FAT1: variants seen among roughly 807,000 people sequenced by gnomAD.
The protein encoded by FAT1 is FAT atypical cadherin 1.
A neutral mutation model predicts 329.8 loss-of-function variants in FAT1; 171 were observed. That is an observed-to-expected ratio of 0.52 (90% CI 0.46 to 0.59). The LOEUF (loss-of-function observed/expected upper bound fraction) is 0.59. FAT1 is among the 20% of genes least tolerant of loss of function. FAT1 has a pLI of 0.00. For missense variants in FAT1, 5,672 were observed against 5,774.4 expected (o/e 0.98, Z 0.57); for synonymous variants, 2,233 against 2,228.6 (o/e 1.00, Z -0.06).
intron 2 of FAT1, among the ~76,000 whole-genome samples, chr4:186,680,776 A>G (rs1429437954): frequency 6.6e-6 from 1 of 152,246 alleles, no homozygotes; most frequent in Non-Finnish European, 1.5e-5. Context: ...AATCAAAGCC[A>G]TAACTGGAAC....
At position 186,609,248 on chromosome 4, in the gene FAT1, T is replaced by C. The variant is rs73873657; in HGVS notation, c.10141A>G (p.Ser3381Gly). 1.9e-3 allele frequency: 3,144 copies of C among 1,614,046 alleles called. 58 individuals are homozygous for C. The African/African-American group carries it at 0.036, about 18-fold the overall frequency. The change falls in exon 16 of 27, where the codon AGC (serine) becomes GGC (glycine). Residue 3381 changes from serine (S) to glycine (G), a missense_variant. Ser to Gly is a moderately conservative substitution (Grantham distance 56). Coordinates refer to ENST00000441802, the MANE Select transcript of FAT1 (RefSeq NM_005245.4). The stretch of plus-strand genomic sequence containing the variant: ...CTGACGGGGTCAATTGTGAACGAGC[T>C]TCCTTGGTTGCCATCTATAATTGAG... ...HYSIIDGNQG[S>G]SFTIDPVRGE...
chr4:186,670,444 C>G (rs1579423116), intron 2 of FAT1, among the ~76,000 whole-genome samples: 1 of 152,294 alleles, frequency 6.6e-6, no homozygotes, highest in Middle Eastern at 3.4e-3. Flanking sequence ...CAGGGTAACT[C>G]TTTTGAAAAT....
At chr4:186,647,497 T>C (rs906111451) in intron 3 of FAT1, among the ~76,000 whole-genome samples, 5 of 152,220 alleles carry the variant, frequency 3.3e-5, no homozygotes, top group African/African-American at 1.2e-4. Flanking sequence ...ATATTTAATA[T>C]GTATAATGAT....
chr4:186,647,712 G>A (rs1741445761), intron 3 of FAT1, among the ~76,000 whole-genome samples: 1 of 152,138 alleles, frequency 6.6e-6, no homozygotes, highest in African/African-American at 2.4e-5. Context: ...TGATGTCTCT[G>A]AAACACTTTC....
intron 3 of FAT1, among the ~76,000 whole-genome samples, chr4:186,661,098 C>A (rs1449731906): frequency 6.6e-6 from 1 of 152,186 alleles, no homozygotes; most frequent in Non-Finnish European, 1.5e-5. Flanking sequence ...GAATTGCCAC[C>A]TGAGATATGA....
intron 4 of FAT1, among the ~76,000 whole-genome samples, chr4:186,637,161 G>A (rs1312828527): frequency 6.6e-6 from 1 of 152,224 alleles, no homozygotes; most frequent in East Asian, 1.9e-4. Context: ...ACCCCTGCGC[G>A]CCTTCCTGAC....
intron 3 of FAT1, among the ~76,000 whole-genome samples, chr4:186,642,685 C>T (rs780207584): frequency 5.9e-5 from 9 of 152,142 alleles, no homozygotes; most frequent in East Asian, 1.9e-4. Flanking sequence ...TAGGGGCTGG[C>T]GGCACCCTGC....
rs1308233390 is a variant in FAT1 at position 186,662,993 on chromosome 4, C to T, written c.3580+306G>A. Among the ~76,000 whole-genome samples, 8 of 152,056 alleles carry T rather than the reference C, an allele frequency of 5.3e-5. No individual in the cohort carries two copies. The East Asian group carries it at 5.8e-4, about 11-fold the overall frequency. ...CTGGGACTACAGGCGCCCGCCACCACGCCCAGCTAATTTTTTGTACTTTTA... is the reference window on the plus strand; with the variant it reads ...CTGGGACTACAGGCGCCCGCCACCATGCCCAGCTAATTTTTTGTACTTTTA... On this transcript the variant is annotated intron_variant, in intron 3 of 26. Transcript: ENST00000441802.
At chr4:186,590,253 T>C in intron 26 of FAT1, 1 of 497,958 alleles carries the variant, frequency 2.0e-6, no homozygotes, top group Non-Finnish European at 3.7e-6. Flanking sequence ...TGCAGCCGTG[T>C]ACTTAGTTAC....
At position 186,663,343 on chromosome 4, in the gene FAT1, G is replaced by T; in HGVS notation, c.3536C>A (p.Thr1179Lys). ...SSNDKLMYKI[T>K]SGNPQGFFSI... ...AAAGAATCCTTGTGGATTTCCACTTGTAATTTTGTACATGAGCTTGTCATT... is the reference window on the plus strand; with the variant it reads ...AAAGAATCCTTGTGGATTTCCACTTTTAATTTTGTACATGAGCTTGTCATT... Residue 1179 changes from threonine to lysine, a missense_variant, in exon 3 of 27, where the codon ACA becomes AAA. By Grantham distance (78) the Thr-to-Lys change is moderately conservative. Around this residue, in one of 2 missense-constraint regions of FAT1, gnomAD observed 3,966 missense variants for 3,915.2 expected, o/e 1.01. Coordinates refer to ENST00000441802, the MANE Select transcript of FAT1 (RefSeq NM_005245.4). 6.2e-7 allele frequency: 1 copy of T among 1,613,946 alleles called. No homozygotes were observed. The highest frequency in any genetic ancestry group is 8.5e-7 in the Non-Finnish European group (1 of 1,179,864).
At chr4:186,654,921 A>G (rs142066655) in intron 3 of FAT1, among the ~76,000 whole-genome samples, 1 of 151,898 alleles carries the variant, frequency 6.6e-6, no homozygotes, top group African/African-American at 2.4e-5. Context: ...AAAACAAAAA[A>G]AAAAACAAAA....
chr4:186,623,136 G>A (rs1474721364), intron 9 of FAT1, among the ~76,000 whole-genome samples: 1 of 152,134 alleles, frequency 6.6e-6, no homozygotes, highest in African/African-American at 2.4e-5. Context: ...CTCTGCATCC[G>A]AGCCCCAAGG....
At chr4:186,717,298 T>C (rs1439200362) in intron 1 of FAT1, among the ~76,000 whole-genome samples, 3 of 152,204 alleles carry the variant, frequency 2.0e-5, no homozygotes, top group African/African-American at 7.2e-5. Flanking sequence ...CCCATCTTCA[T>C]ATGATTTTCA....
intron 23 of FAT1, 29 bp from the exon 24 acceptor site, chr4:186,597,821 C>T: frequency 6.3e-7 from 1 of 1,594,944 alleles, no homozygotes; most frequent in Non-Finnish European, 8.6e-7. Flanking sequence ...CAGACATAAA[C>T]CTCATGATCC....
chr4:186,692,419 T>C (rs2126661834), intron 2 of FAT1, among the ~76,000 whole-genome samples: 1 of 152,200 alleles, frequency 6.6e-6, no homozygotes, highest in Non-Finnish European at 1.5e-5. Flanking sequence ...TTCACGCCAT[T>C]CTCCTGCCTC....
chr4:186,606,258 G>A (rs751603643), intron 16 of FAT1, 45 bp from the exon 17 acceptor site: 29 of 1,604,082 alleles, frequency 1.8e-5, no homozygotes, highest in South Asian at 1.5e-4. Context: ...TCACAAGGCC[G>A]ACAGAGCTCC....
At position 186,597,036 on chromosome 4, in the gene FAT1, G is replaced by T. The variant is rs2126393849; in HGVS notation, c.12504C>A (p.Asn4168Lys). 1 of 1,613,990 alleles carries T rather than the reference G, an allele frequency of 6.2e-7. No homozygotes were observed. Among genetic ancestry groups the T allele is most frequent in the Admixed American group, 1.7e-5 (1 of 60,032 alleles). Residue 4168 changes from asparagine (N) to lysine (K), a missense_variant, in exon 25 of 27, where the codon AAC becomes AAA. Around this residue, in one of 2 missense-constraint regions of FAT1, gnomAD observed 1,706 missense variants for 1,859.1 expected, o/e 0.92. Coordinates refer to ENST00000441802, the MANE Select transcript of FAT1 (RefSeq NM_005245.4). ...RGRHCEDAAP[N>K]QYVSTPWNIG... ...TGTTCCACGGCGTGGACACATACTG[G>T]TTGGGCGCAGCATCCTCGCAGTGAC...
intron 1 of FAT1, among the ~76,000 whole-genome samples, chr4:186,710,534 A>T (rs1241663952): frequency 6.6e-6 from 1 of 152,240 alleles, no homozygotes; most frequent in African/African-American, 2.4e-5. Context: ...CAGCAACATA[A>T]GCCCCAAAGA....
Position 186,662,028 on chromosome 4 carries a change from C to T in FAT1, c.3580+1271G>A, listed in dbSNP as rs74670799. Among the ~76,000 whole-genome samples, 1,042 of 150,986 alleles carry T rather than the reference C, an allele frequency of 6.9e-3. 35 individuals carry two copies. In the East Asian group the frequency reaches 0.11, roughly 16 times the overall value. On this transcript the variant is annotated intron_variant, in intron 3 of 26. Transcript: ENST00000441802. ...TCCTCCCCCCCGCCCCCCGGCCAGC[C>T]CCCCAAACACACACTTGGTCCCAGA...
Sources: gnomAD v4.1 joint callset for allele counts (sites outside exome capture counted in the v4.1 genomes callset) on GRCh38, gnomAD v4.1.1 for gene constraint, gnomAD v4.1.1 regional missense constraint, MANE v1.5 for transcripts, NCBI Gene and HGNC (gene_info 2026-07-23, HGNC 2026-07-21) for gene names.